SAMD12: variants seen among roughly 807,000 people sequenced by gnomAD.
SAMD12 encodes sterile alpha motif domain containing 12.
In SAMD12, 9 loss-of-function variants were observed where a neutral mutation model predicts 15.0. The observed-to-expected ratio is 0.60, with a 90% CI of 0.36 to 1.05. The LOEUF (loss-of-function observed/expected upper bound fraction) is 1.05, where lower values mean the gene tolerates loss of function less well. Ranked by LOEUF, SAMD12 falls within the 50% of genes least tolerant of loss-of-function variation. The pLI, the probability that SAMD12 is intolerant of heterozygous loss-of-function variation, is 0.01. For missense variants in SAMD12, 230 were observed against 234.2 expected (o/e 0.98, Z 0.12); for synonymous variants, 86 against 90.1 (o/e 0.96, Z 0.25).
chr8:118,406,765 G>A (rs1308888739), intron 3 of SAMD12, among the ~76,000 whole-genome samples: 1 of 152,086 alleles, frequency 6.6e-6, no homozygotes, highest in Non-Finnish European at 1.5e-5. Flanking sequence ...CCTCATATAA[G>A]TGAAATCATG....
chr8:118,442,112 C>T (rs1035574255), intron 2 of SAMD12, among the ~76,000 whole-genome samples: 1 of 152,174 alleles, frequency 6.6e-6, no homozygotes, highest in Non-Finnish European at 1.5e-5. Flanking sequence ...AATCCATGAG[C>T]ATCATAAACA....
intron 2 of SAMD12, among the ~76,000 whole-genome samples, chr8:118,578,293 G>A (rs1019118598): frequency 2.0e-5 from 3 of 151,990 alleles, no homozygotes; most frequent in Admixed American, 6.6e-5. Flanking sequence ...ATGAACATTC[G>A]GGCTATTTTC....
intron 1 of SAMD12, among the ~76,000 whole-genome samples, chr8:118,599,712 C>G (rs947384579): frequency 5.3e-5 from 8 of 152,210 alleles, no homozygotes; most frequent in African/African-American, 1.4e-4. Flanking sequence ...GCCATTATCC[C>G]TGATCACATG....
chr8:118,618,042 T>A (rs74893111), intron 1 of SAMD12, among the ~76,000 whole-genome samples: 2,321 of 105,056 alleles, frequency 0.022, 30 homozygotes, highest in East Asian at 0.046. Context: ...TTTTTTTTTT[T>A]AAAAAAAGGC....
Position 118,574,881 on chromosome 8 carries a change from C to A in SAMD12, c.192+5834G>T, listed in dbSNP as rs886447389. The stretch of plus-strand genomic sequence containing the variant: ...TTTGGAGACATTTTTGCTCCTTGAG[C>A]CAACAAATACAGATAGCCAAGAATT... On this transcript the variant is annotated intron_variant, in intron 2 of 3. Coordinates refer to ENST00000314727, the MANE Select transcript of SAMD12 (RefSeq NM_207506.3). Among the ~76,000 whole-genome samples, 7 of 152,284 alleles carry A rather than the reference C, an allele frequency of 4.6e-5. No individual in the cohort carries two copies. In the South Asian group the frequency reaches 1.0e-3, roughly 23 times the overall value.
At chr8:118,502,906 A>T (rs1824825269) in intron 2 of SAMD12, among the ~76,000 whole-genome samples, 2 of 152,194 alleles carry the variant, frequency 1.3e-5, no homozygotes, top group Admixed American at 1.3e-4. Context: ...GCTTCCAGGA[A>T]ATTTCAGGAT....
chr8:118,190,508 AGTGT>A (rs66477354), exon 5 of SAMD12: 11,192 of 148,206 alleles, frequency 0.076, 816 homozygotes, highest in African/African-American at 0.2. Context: ...TATTAGAAAA[AGTGT>A]GTGTGTGTGT....
chr8:118,330,681 A>C (rs1816767205), intron 4 of SAMD12, among the ~76,000 whole-genome samples: 1 of 152,246 alleles, frequency 6.6e-6, no homozygotes, highest in African/African-American at 2.4e-5. Context: ...ATCTTAAAAA[A>C]GGAATATAAG....
At chr8:118,425,649 A>G (rs1822209773) in intron 3 of SAMD12, among the ~76,000 whole-genome samples, 1 of 152,234 alleles carries the variant, frequency 6.6e-6, no homozygotes, top group African/African-American at 2.4e-5. Context: ...AAGCAGATGC[A>G]GATGTCTGAT....
intron 4 of SAMD12, among the ~76,000 whole-genome samples, chr8:118,300,156 T>C (rs1814940669): frequency 6.6e-6 from 1 of 152,178 alleles, no homozygotes; most frequent in East Asian, 1.9e-4. Flanking sequence ...TCATAATTTC[T>C]TTGTGTTAGG....
At chr8:118,489,491 AG>A (rs1296405876) in intron 2 of SAMD12, among the ~76,000 whole-genome samples, 1 of 152,190 alleles carries the variant, frequency 6.6e-6, no homozygotes, top group African/African-American at 2.4e-5. Context: ...CAAGAATTTC[AG>A]CCTCTAGCCT....
chr8:118,419,521 A>G (rs1456245382), intron 3 of SAMD12, among the ~76,000 whole-genome samples: 1 of 152,204 alleles, frequency 6.6e-6, no homozygotes, highest in East Asian at 1.9e-4. Flanking sequence ...TAGAGACACT[A>G]AGTGGCTTCC....
intron 4 of SAMD12, among the ~76,000 whole-genome samples, chr8:118,253,536 C>T (rs1018005045): frequency 3.3e-5 from 5 of 152,146 alleles, no homozygotes; most frequent in Admixed American, 3.3e-4. Context: ...GCCTTGCAAA[C>T]AGCAGGCCAT....
rs116182396 is a variant in SAMD12, at chr8:118,386,592, C to A, written c.323-6892G>T. On this transcript the variant is annotated intron_variant, in intron 3 of 3. Transcript: ENST00000314727. The stretch of plus-strand genomic sequence containing the variant: ...AAAGGAACATTTGAGTTTCTGACTA[C>A]GGCACAGGGTTCATTGTGCTCCTCA... 2.9e-3 allele frequency among the ~76,000 whole-genome samples: 435 copies of A among 152,318 alleles called. 5 individuals carry two copies. Among genetic ancestry groups the A allele is most frequent in the African/African-American group, 9.9e-3 (411 of 41,570 alleles).
chr8:118,149,318 T>G, the SAMD12 span, among the ~76,000 whole-genome samples: 2 of 152,212 alleles, frequency 1.3e-5, no homozygotes, highest in African/African-American at 4.8e-5. Context: ...TTATATATGT[T>G]TTTATTTTAG....
At chr8:118,356,438 G>A (rs1175545960) in intron 4 of SAMD12, among the ~76,000 whole-genome samples, 2 of 152,040 alleles carry the variant, frequency 1.3e-5, no homozygotes, top group African/African-American at 4.8e-5. Flanking sequence ...ATATTCATGC[G>A]AACAAACCTT....
chr8:118,377,620 T>C (rs948429915), downstream of SAMD12, among the ~76,000 whole-genome samples: 6 of 152,256 alleles, frequency 3.9e-5, no homozygotes, highest in South Asian at 2.1e-4. Context: ...AACACGTATG[T>C]ATATTTAGCT....
chr8:118,475,275 C>A (rs138170263), intron 2 of SAMD12, among the ~76,000 whole-genome samples: 2 of 151,928 alleles, frequency 1.3e-5, no homozygotes, highest in African/African-American at 2.4e-5. Flanking sequence ...GAACCTGGTA[C>A]CTCCCTCCCC....
At chr8:118,234,320 G>C (rs1812381029) in intron 4 of SAMD12, among the ~76,000 whole-genome samples, 1 of 151,926 alleles carries the variant, frequency 6.6e-6, no homozygotes, top group African/African-American at 2.4e-5. Flanking sequence ...CTTTATGTTT[G>C]TCATAATATT....
Sources: allele counts gnomAD v4.1 joint callset (sites outside exome capture counted in the v4.1 genomes callset), GRCh38; gene constraint gnomAD v4.1.1; transcripts MANE v1.5; gene names NCBI Gene and HGNC (gene_info 2026-07-23, HGNC 2026-07-21).